MSH6: variants seen among roughly 807,000 people sequenced by gnomAD.
The protein encoded by MSH6 is mutS homolog 6.
Under a neutral mutation model 119.1 loss-of-function variants are expected in MSH6, and 85 were observed. The ratio of observed to expected loss-of-function variants is 0.71; its 90% CI spans 0.60 to 0.85. MSH6 has a LOEUF of 0.85. Ranked by LOEUF, MSH6 falls within the 40% of genes least tolerant of loss-of-function variation. The probability of loss-of-function intolerance (pLI) is 0.00; values close to 1 mark genes in which losing one functional copy is unlikely to be tolerated. For synonymous variants in MSH6, 830 were observed against 586.9 expected (o/e 1.41, Z -5.99); for missense variants, 2,163 against 1,655.3 (o/e 1.31, Z -5.32).
At position 47,790,913 on chromosome 2, in the gene MSH6, C is replaced by T. The variant is rs369366445; in HGVS notation, c.261-14C>T. 132 of 1,613,600 alleles carry T rather than the reference C, an allele frequency of 8.2e-5. No homozygotes were observed. The highest frequency in any genetic ancestry group is 1.1e-4 in the Non-Finnish European group (131 of 1,179,644). Reference sequence around the variant, plus strand: ...CAAATATTAACTAAGTTATGTATTTCCTTTTGGCAACAGTTGTGACTTCTC... The same window carrying T: ...CAAATATTAACTAAGTTATGTATTTTCTTTTGGCAACAGTTGTGACTTCTC... On this transcript the variant is annotated splice_polypyrimidine_tract_variant and intron_variant, in intron 1 of 9. Coordinates refer to ENST00000234420, the MANE Select transcript of MSH6 (RefSeq NM_000179.3).
In MSH6 at chr2:47,800,134, C is replaced by T. The variant is rs1572725932; in HGVS notation, c.2151C>T (p.Val717=). The change falls in exon 4 of 10, where the codon GTC becomes GTT. Residue 717 remains valine (V), a synonymous_variant. Transcript: ENST00000234420. ...ATATTCCCTTGGATTCTGACACAGT[C>T]AGCACTACAAGATCTGGTGCTATCT... ...EEYIPLDSDT[V]STTRSGAIFT... 1 of 1,614,096 alleles carries T rather than the reference C, an allele frequency of 6.2e-7. No individual in the cohort carries two copies.
chr2:47,794,658 G>A (rs1026497964), intron 2 of MSH6, among the ~76,000 whole-genome samples: 5 of 152,070 alleles, frequency 3.3e-5, no homozygotes, highest in African/African-American at 1.2e-4. Flanking sequence ...TTCAAAATGT[G>A]AAGGCCCCTT....
At chr2:47,809,471 TCTTTCAAAATCTATCTTAAACTGTTG>T (rs1358009592), downstream of MSH6, 1 of 748,794 alleles carries the variant, frequency 1.3e-6, no homozygotes, top group Non-Finnish European at 2.1e-6. Context: ...AAGCTCTGTT[TCTTTCAAAATCTATCTTAAACTGTTG>T]CTAACTTGGA....
chr2:47,806,324 A>C lies in MSH6; in HGVS notation c.3767A>C (p.Tyr1256Ser), dbSNP rs761643896. ...CACTACCATTCATTAGTAGAAGATT[A>C]TTCTCAAAATGTTGCTGTGCGCCTA... Reference protein sequence around the residue: ...STHYHSLVEDYSQNVAVRLGH... With the variant: ...STHYHSLVEDSSQNVAVRLGH... Residue 1256 changes from tyrosine (Y) to serine (S), a missense_variant, in exon 8 of 10, where the codon TAT becomes TCT. Transcript: ENST00000234420. The C allele has an allele frequency of 3.7e-6, 6 of 1,614,168 alleles. No individual in the cohort carries two copies. Among genetic ancestry groups the C allele is most frequent in the Admixed American group, 3.3e-5 (2 of 60,010 alleles).
rs2104407475 is a variant in MSH6, at chr2:47,800,434, T to C, written c.2451T>C (p.Asp817=). 6.2e-7 allele frequency: 1 copy of C among 1,613,966 alleles called. No homozygotes were observed. Among genetic ancestry groups the C allele is most frequent in the South Asian group, 1.1e-5 (1 of 91,070 alleles). Residue 817 remains aspartate, a synonymous_variant, in exon 4 of 10, where the codon GAT becomes GAC. Coordinates refer to ENST00000234420, the MANE Select transcript of MSH6 (RefSeq NM_000179.3). ...TAGAGCTTCTAAAGAAGCTTCCAGA[T>C]CTTGAGAGGCTACTCAGTAAAATTC... ...EVVELLKKLP[D]LERLLSKIHN...
At chr2:47,807,334 C>CTT (rs1553334463), downstream of MSH6, 1 of 213,250 alleles carries the variant, frequency 4.7e-6, no homozygotes, top group Non-Finnish European at 9.5e-6. Flanking sequence ...TACAAGAATA[C>CTT]TTTTGTTTTA....
At chr2:47,784,198 C>A in intron 1 of MSH6, 1 of 1,004,338 alleles carries the variant, frequency 1.0e-6, no homozygotes, top group Non-Finnish European at 1.2e-6. Context: ...CGGGGCGGGG[C>A]CGTGGGGAGC....
intron 2 of MSH6, 113 bp downstream of exon 2, chr2:47,791,236 C>G (rs959083805): frequency 9.7e-7 from 1 of 1,026,164 alleles, no homozygotes; most frequent in Non-Finnish European, 1.5e-6. Context: ...GTATTTTACC[C>G]CAGTAAATTG....
At chr2:47,783,692 C>T (rs1276459392) in intron 1 of MSH6, 199 bp downstream of exon 1, 16 of 550,838 alleles carry the variant, frequency 2.9e-5, no homozygotes, top group Non-Finnish European at 4.6e-5. Context: ...TAAACAGGGT[C>T]GGAGGAGAGA....
chr2:47,806,855 T>TTATAGACTGACTA lies in MSH6; in HGVS notation c.4079_*8dup. On this transcript the variant is annotated stop_gained and frameshift_variant, in exon 10 of 10. Transcript: ENST00000234420. LOFTEE classifies it high-confidence loss of function. ...TAAATTGCTGACTTTGATTAAGGAATTATAGACTGACTACATTGGAAGCTT... is the reference window on the plus strand; with the variant it reads ...TAAATTGCTGACTTTGATTAAGGAATTATAGACTGACTATATAGACTGACTACATTGGAAGCTT... 1 of 1,609,696 alleles carries TTATAGACTGACTA rather than the reference T, an allele frequency of 6.2e-7. No individual in the cohort carries two copies. Among genetic ancestry groups the TTATAGACTGACTA allele is most frequent in the Non-Finnish European group, 8.5e-7 (1 of 1,176,574 alleles).
chr2:47,809,288 G>T (rs1008853340), downstream of MSH6: 1 of 1,419,764 alleles, frequency 7.0e-7, no homozygotes, highest in African/African-American at 1.4e-5. Context: ...GAAAGAATAA[G>T]TAAAAATTCA....
In MSH6 at chr2:47,783,366, G is replaced by C. The variant is rs978968846; in HGVS notation, c.133G>C (p.Gly45Arg). Reference protein sequence around the residue: ...AAAPGASPSPGGDAAWSEAGP... With the variant: ...AAAPGASPSPRGDAAWSEAGP... ...TGCCCCCGGGGCCTCTCCTTCCCCA[G>C]GCGGGGATGCGGCCTGGAGCGAGGC... Residue 45 changes from glycine to arginine, a missense_variant, in exon 1 of 10, where the codon GGC (glycine) becomes CGC (arginine). By Grantham distance (125) the Gly-to-Arg change is moderately radical. Coordinates refer to ENST00000234420, the MANE Select transcript of MSH6 (RefSeq NM_000179.3). 3 of 1,603,950 alleles carry C rather than the reference G, an allele frequency of 1.9e-6. No individual in the cohort carries two copies. The highest frequency in any genetic ancestry group is 4.5e-5 in the East Asian group (2 of 44,422).
At chr2:47,809,303 A>G, downstream of MSH6, 1 of 1,335,986 alleles carries the variant, frequency 7.5e-7, no homozygotes, top group South Asian at 1.3e-5. Context: ...AATTCAGAGG[A>G]ATGTTAATAT....
chr2:47,805,243 C>A (rs1221369282), intron 6 of MSH6, among the ~76,000 whole-genome samples: 1 of 151,386 alleles, frequency 6.6e-6, no homozygotes, highest in Non-Finnish European at 1.5e-5. Flanking sequence ...TGCAATGGCA[C>A]GATCTTGGCT....
At chr2:47,794,875 A>T (rs1668975375) in intron 2 of MSH6, among the ~76,000 whole-genome samples, 1 of 151,808 alleles carries the variant, frequency 6.6e-6, no homozygotes, top group Non-Finnish European at 1.5e-5. Flanking sequence ...GCTCACTGCA[A>T]CCTCTGCCTC....
intron 1 of MSH6, among the ~76,000 whole-genome samples, chr2:47,790,210 T>C (rs1274672678): frequency 6.6e-6 from 1 of 152,030 alleles, no homozygotes; most frequent in Non-Finnish European, 1.5e-5. Flanking sequence ...TCATTTGAGG[T>C]CAGGAGTTTA....
rs864622384 is a variant in MSH6, at chr2:47,806,493, G to A, written c.3843G>A (p.Glu1281=). Residue 1281 remains glutamate, a synonymous_variant, in exon 9 of 10, where the codon GAG becomes GAA. Transcript: ENST00000234420. The part of the protein sequence containing the change: ...VENECEDPSQ[E]TITFLYKFIK... ...ATGAATGTGAAGACCCCAGCCAGGA[G>A]ACTATTACGTTCCTCTATAAATTCA... 4.3e-6 allele frequency: 7 copies of A among 1,613,910 alleles called. No individual in the cohort carries two copies. The African/African-American group carries it at 6.7e-5, about 15-fold the overall frequency.
intron 2 of MSH6, among the ~76,000 whole-genome samples, chr2:47,792,388 T>G (rs891070009): frequency 6.6e-6 from 1 of 152,186 alleles, no homozygotes; most frequent in Non-Finnish European, 1.5e-5. Context: ...TTGGGGGCAT[T>G]TTGTCTAAAA....
At position 47,806,915 on chromosome 2, in the gene MSH6, C is replaced by CAACATTATGATCTAAT. The variant is rs1296025817; in HGVS notation, c.*58_*73dup. The stretch of plus-strand genomic sequence containing the variant: ...TTCTGACAAAGGTGGTAAATTCAGA[C>CAACATTATGATCTAAT]AACATTATGATCTAATAAACTTTAT... On this transcript the variant is annotated 3_prime_UTR_variant, in exon 10 of 10. Coordinates refer to ENST00000234420, the MANE Select transcript of MSH6 (RefSeq NM_000179.3). 3 of 1,270,312 alleles carry CAACATTATGATCTAAT rather than the reference C, an allele frequency of 2.4e-6. No individual in the cohort carries two copies. In the African/African-American group the frequency reaches 4.4e-5, roughly 19 times the overall value. The allele number at this position is 1,270,312 out of a possible 1,614,324, so 78.7% of individuals were successfully genotyped here.
Sources: allele counts gnomAD v4.1 joint callset (sites outside exome capture counted in the v4.1 genomes callset), GRCh38; gene constraint gnomAD v4.1.1; transcripts MANE v1.5; gene names NCBI Gene and HGNC (gene_info 2026-07-23, HGNC 2026-07-21).